F8: variants seen among roughly 807,000 people sequenced by gnomAD.
The protein encoded by F8 is antihemophilic factor.
Under a neutral mutation model 140.6 loss-of-function variants are expected in F8, and 12 were observed. That is an observed-to-expected ratio of 0.09 (90% confidence interval 0.05 to 0.14). The LOEUF (loss-of-function observed/expected upper bound fraction) is 0.14, where lower values mean the gene tolerates loss of function less well. Among genes scored for constraint, F8 ranks in the 10% least tolerant of loss-of-function variants. The pLI is 1.00. For synonymous variants in F8, 585 were observed against 614.6 expected (o/e 0.95, Z 0.71); for missense variants, 1,354 against 1,720.7 (o/e 0.79, Z 3.77).
At position 154,857,433 on chromosome X, in the gene F8, T is replaced by C. The variant is rs184149604; in HGVS notation, c.6900+2999A>G. Among the ~76,000 whole-genome samples the C allele has an allele frequency of 5.2e-3, 580 of 112,126 alleles. 7 individuals carry two copies. The highest frequency in any genetic ancestry group is 0.018 in the African/African-American group (553 of 30,882). ...CCTTCTCTCTCCCAGCCTGCACTTATGGCCCCATTGGGAGTTCCCTATGAT... is the reference window on the plus strand; with the variant it reads ...CCTTCTCTCTCCCAGCCTGCACTTACGGCCCCATTGGGAGTTCCCTATGAT... On this transcript the variant is annotated intron_variant, in intron 25 of 25. Coordinates refer to ENST00000360256, the MANE Select transcript of F8 (RefSeq NM_000132.4).
chrX:154,949,019 C>T (rs5986898), intron 12 of F8, among the ~76,000 whole-genome samples: 1,130 of 111,632 alleles, frequency 0.01, 15 homozygotes, highest in African/African-American at 0.035. Context: ...GCATCTCCAA[C>T]CAGTACAGGA....
chrX:154,995,045 C>T (rs782733357), intron 3 of F8, among the ~76,000 whole-genome samples: 1 of 111,766 alleles, frequency 8.9e-6, no homozygotes, highest in Admixed American at 9.5e-5. Context: ...TAGAGGAGTA[C>T]AGACTGTATG....
chrX:155,005,314 G>A (rs781929669), intron 1 of F8, among the ~76,000 whole-genome samples: 60 of 111,116 alleles, frequency 5.4e-4, no homozygotes, highest in Middle Eastern at 4.6e-3. Flanking sequence ...ATCTGCCTGG[G>A]TATCTCTTAG....
chrX:154,923,947 C>T (rs782014113), intron 14 of F8, among the ~76,000 whole-genome samples: 5 of 110,918 alleles, frequency 4.5e-5, no homozygotes, highest in Admixed American at 9.6e-5. Context: ...CTCCAGCCTG[C>T]GTGACAGAGC....
At chrX:154,839,512 G>A (rs1330836490) in intron 25 of F8, among the ~76,000 whole-genome samples, 4 of 109,503 alleles carry the variant, frequency 3.7e-5, no homozygotes, top group Admixed American at 9.7e-5. Context: ...ACAGGTGCCC[G>A]CCACCATGCC....
chrX:154,937,163 A>C (rs782678599), intron 13 of F8, among the ~76,000 whole-genome samples: 8 of 111,630 alleles, frequency 7.2e-5, no homozygotes, highest in African/African-American at 2.3e-4. Context: ...TCAAGAAGTC[A>C]AGAAGAAAAA....
intron 13 of F8, among the ~76,000 whole-genome samples, chrX:154,943,196 T>G (rs374198783): frequency 8.1e-5 from 9 of 111,438 alleles, no homozygotes; most frequent in Middle Eastern, 4.6e-3. Context: ...GGAAATAAAG[T>G]GTATTCAATT....
At chrX:154,969,847 G>T (rs1363323625) in intron 6 of F8, among the ~76,000 whole-genome samples, 2 of 111,232 alleles carry the variant, frequency 1.8e-5, no homozygotes, top group African/African-American at 6.5e-5. Flanking sequence ...ACATCTCTGT[G>T]GGTTTTTTTC....
intron 3 of F8, among the ~76,000 whole-genome samples, chrX:154,993,582 C>T (rs2073601288): frequency 1.8e-5 from 2 of 112,086 alleles, no homozygotes; most frequent in South Asian, 3.7e-4. Flanking sequence ...GAAAAACTAA[C>T]AAGCAGCAGC....
intron 1 of F8, among the ~76,000 whole-genome samples, chrX:155,002,955 T>C (rs1557285737): frequency 1.8e-5 from 2 of 111,967 alleles, no homozygotes; most frequent in African/African-American, 6.5e-5. Flanking sequence ...ATGTTGAGCA[T>C]CTTTTCTTTC....
rs2073195569 is a variant in F8, at chrX:154,931,173, C to T, written c.2617G>A (p.Gly873Ser). The change falls in exon 14 of 26, where the codon GGC (glycine) becomes AGC (serine). Residue 873 changes from glycine to serine, a missense_variant. Around this residue, in one of 4 missense-constraint regions of F8, gnomAD observed 658 missense variants for 666.5 expected, o/e 0.99. Transcript: ENST00000360256. ...SGDMVFTPES[G>S]LQLRLNEKLG... is the part of the protein sequence containing the mutation. ...TTCTCATTTAATCTTAATTGGAGGC[C>T]TGACTCAGGGGTAAATACCATGTCC... 2 of 1,211,141 alleles carry T rather than the reference C, an allele frequency of 1.7e-6. No individual in the cohort carries two copies. The highest frequency in any genetic ancestry group is 3.5e-5 in the African/African-American group (2 of 57,770).
chrX:154,845,741 C>T (rs782727512), intron 25 of F8, among the ~76,000 whole-genome samples: 1 of 111,523 alleles, frequency 9.0e-6, no homozygotes, highest in East Asian at 2.8e-4. Flanking sequence ...TTCAAAAAAC[C>T]AGTTCCTGGA....
chrX:154,941,451 A>C (rs1487751639), intron 13 of F8, among the ~76,000 whole-genome samples: 2 of 111,333 alleles, frequency 1.8e-5, no homozygotes, highest in East Asian at 5.6e-4. Context: ...GGATCAATTC[A>C]ACAAGAAGAG....
intron 1 of F8, among the ~76,000 whole-genome samples, chrX:155,002,569 G>A (rs2073652006): frequency 9.2e-6 from 1 of 108,430 alleles, no homozygotes; most frequent in South Asian, 4.1e-4. Context: ...TCTTGGTTCT[G>A]CCTTCTGACT....
chrX:154,856,072 C>T (rs1433970288), intron 25 of F8, among the ~76,000 whole-genome samples: 1 of 112,164 alleles, frequency 8.9e-6, no homozygotes, highest in Non-Finnish European at 1.9e-5. Context: ...GGCTGAAACA[C>T]AGACCAAAAG....
chrX:154,957,894 A>AG (rs1376881731), intron 10 of F8, among the ~76,000 whole-genome samples: 3 of 109,459 alleles, frequency 2.7e-5, no homozygotes, highest in East Asian at 2.8e-4. Context: ...AAAAAAAAAA[A>AG]AAAGAAAGAA....
At chrX:154,878,362 C>A (rs983412046) in intron 22 of F8, among the ~76,000 whole-genome samples, 10 of 102,070 alleles carry the variant, frequency 9.8e-5, no homozygotes, top group South Asian at 4.6e-4. Context: ...GGGAAAAAAA[C>A]CCCTGCAAGT....
At chrX:154,981,228 G>C (rs1557283524) in intron 6 of F8, among the ~76,000 whole-genome samples, 1 of 111,015 alleles carries the variant, frequency 9.0e-6, no homozygotes, top group East Asian at 2.8e-4. Context: ...GGTTTTACTC[G>C]TCTTTGCAGT....
chrX:154,978,379 CAT>C (rs1233479794), intron 6 of F8, among the ~76,000 whole-genome samples: 1 of 111,450 alleles, frequency 9.0e-6, no homozygotes, highest in Non-Finnish European at 1.9e-5. Context: ...TTATGGAACA[CAT>C]GAGATGTTTT....
Sources: gnomAD v4.1 joint callset for allele counts (sites outside exome capture counted in the v4.1 genomes callset) on GRCh38, gnomAD v4.1.1 for gene constraint, gnomAD v4.1.1 regional missense constraint, MANE v1.5 for transcripts, NCBI Gene and HGNC (gene_info 2026-07-23, HGNC 2026-07-21) for gene names.